Variants in MECOM observed in about 807,000 individuals in gnomAD.
The protein encoded by MECOM is histone-lysine N-methyltransferase MECOM.
In MECOM, 13 loss-of-function variants were observed where a neutral mutation model predicts 116.3. The observed-to-expected ratio is 0.11, with a 90% CI of 0.07 to 0.18. MECOM has a LOEUF of 0.18. MECOM is among the 10% of genes least tolerant of loss of function. MECOM has a pLI of 1.00. For missense variants in MECOM, 1,299 were observed against 1,509.0 expected, an observed-to-expected ratio of 0.86 and a Z score of 2.31; for synonymous variants, 528 against 535.2, an observed-to-expected ratio of 0.99 and a Z score of 0.19.
At chr3:169,380,082 T>C (rs1273921183) in intron 2 of MECOM, among the ~76,000 whole-genome samples, 1 of 152,116 alleles carries the variant, frequency 6.6e-6, no homozygotes, top group Non-Finnish European at 1.5e-5. Context: ...CACAAGAGGA[T>C]ACATATAAAG....
chr3:169,541,629 T>A (rs1760068237), intron 1 of MECOM, among the ~76,000 whole-genome samples: 1 of 152,228 alleles, frequency 6.6e-6, no homozygotes, highest in Admixed American at 6.5e-5. Flanking sequence ...GCTCAGTGCC[T>A]CTTTCACCTT....
chr3:169,526,827 CT>C (rs1041244230), intron 1 of MECOM, among the ~76,000 whole-genome samples: 3 of 152,040 alleles, frequency 2.0e-5, no homozygotes, highest in African/African-American at 7.3e-5. Flanking sequence ...TTTGGAAGCC[CT>C]ATTCATTACA....
intron 2 of MECOM, among the ~76,000 whole-genome samples, chr3:169,340,100 C>T (rs1724239647): frequency 6.6e-6 from 1 of 152,178 alleles, no homozygotes; most frequent in Non-Finnish European, 1.5e-5. Context: ...CATACATGCA[C>T]ATTTTTCACA....
intron 1 of MECOM, among the ~76,000 whole-genome samples, chr3:169,558,988 C>A (rs960590822): frequency 9.9e-5 from 15 of 151,720 alleles, no homozygotes; most frequent in African/African-American, 3.6e-4. Context: ...TACTGATATT[C>A]TACAATCCTC....
At chr3:169,105,330 G>C (rs974018865) in intron 10 of MECOM, among the ~76,000 whole-genome samples, 1 of 152,020 alleles carries the variant, frequency 6.6e-6, no homozygotes, top group African/African-American at 2.4e-5. Context: ...TAAGATATTG[G>C]ATTAACACGA....
chr3:169,429,275 G>GTATA (rs1331335433), intron 1 of MECOM, among the ~76,000 whole-genome samples: 2 of 152,308 alleles, frequency 1.3e-5, no homozygotes, highest in East Asian at 3.9e-4. Context: ...AAACCACTGT[G>GTATA]TATAGGTGTT....
chr3:169,227,694 G>C (rs1229869284), intron 2 of MECOM, among the ~76,000 whole-genome samples: 3 of 152,166 alleles, frequency 2.0e-5, no homozygotes, highest in Non-Finnish European at 4.4e-5. Flanking sequence ...TGGGTGAAAA[G>C]TCATTGATAT....
At chr3:169,345,948 A>T (rs549701227) in intron 2 of MECOM, among the ~76,000 whole-genome samples, 1 of 152,262 alleles carries the variant, frequency 6.6e-6, no homozygotes, top group African/African-American at 2.4e-5. Context: ...TTTTTCTCTG[A>T]TAAACAATAA....
chr3:169,125,001 A>T (rs1732351568), intron 5 of MECOM, among the ~76,000 whole-genome samples: 1 of 152,076 alleles, frequency 6.6e-6, no homozygotes, highest in Non-Finnish European at 1.5e-5. Context: ...TATCTTGATA[A>T]ATTAGAAATG....
chr3:169,516,999 T>A (rs1169854387), intron 1 of MECOM, among the ~76,000 whole-genome samples: 1 of 152,238 alleles, frequency 6.6e-6, no homozygotes, highest in African/African-American at 2.4e-5. Context: ...GGAACTTTCC[T>A]TTCAGGTCAC....
intron 2 of MECOM, among the ~76,000 whole-genome samples, chr3:169,291,952 G>A (rs1035542607): frequency 2.0e-5 from 3 of 152,172 alleles, no homozygotes; most frequent in Non-Finnish European, 2.9e-5. Context: ...TGTTTCAACA[G>A]ATTCACATTT....
chr3:169,306,571 A>G (rs1017310447), intron 2 of MECOM, among the ~76,000 whole-genome samples: 3 of 152,150 alleles, frequency 2.0e-5, no homozygotes, highest in African/African-American at 7.2e-5. Flanking sequence ...AATCCCAGCT[A>G]CTCAAAGGCT....
intron 1 of MECOM, among the ~76,000 whole-genome samples, chr3:169,420,635 C>T (rs1739561382): frequency 6.6e-6 from 1 of 152,080 alleles, no homozygotes; most frequent in African/African-American, 2.4e-5. Context: ...GAGAAGAGAG[C>T]CCCACTCCTC....
At chr3:169,253,686 T>A (rs567231714) in intron 2 of MECOM, among the ~76,000 whole-genome samples, 2 of 152,070 alleles carry the variant, frequency 1.3e-5, no homozygotes, top group Admixed American at 6.6e-5. Flanking sequence ...AGAACACTTT[T>A]TTCCCCAGAA....
chr3:169,191,730 AAGAAAGAAAG>A (rs373874731), intron 2 of MECOM, among the ~76,000 whole-genome samples: 20,000 of 64,762 alleles, frequency 0.31, 2,134 homozygotes, highest in Non-Finnish European at 0.36. Context: ...AAAAGAAAGA[AAGAAAGAAAG>A]AGAAAGAAAG....
At chr3:169,382,358 T>A (rs1044444032) in intron 1 of MECOM, among the ~76,000 whole-genome samples, 1 of 151,986 alleles carries the variant, frequency 6.6e-6, no homozygotes. Context: ...TGGCAAGACC[T>A]TTGAACAGAC....
chr3:169,474,250 A>G (rs1483140375), intron 1 of MECOM, among the ~76,000 whole-genome samples: 1 of 152,096 alleles, frequency 6.6e-6, no homozygotes, highest in Non-Finnish European at 1.5e-5. Flanking sequence ...ACAACAACAA[A>G]CTTCATTACT....
chr3:169,113,155 G>A (rs2149051848), intron 8 of MECOM, among the ~76,000 whole-genome samples: 1 of 152,066 alleles, frequency 6.6e-6, no homozygotes, highest in South Asian at 2.1e-4. Context: ...TAAATTAGAG[G>A]CATTTGTCAT....
intron 12 of MECOM, among the ~76,000 whole-genome samples, chr3:169,097,239 T>C (rs185970208): frequency 1.0e-3 from 153 of 152,206 alleles, no homozygotes; most frequent in East Asian, 7.1e-3. Flanking sequence ...CAAAGGGTCT[T>C]TTCCAAATCT....
Sources: allele counts gnomAD v4.1 joint callset (sites outside exome capture counted in the v4.1 genomes callset), GRCh38; gene constraint gnomAD v4.1.1; transcripts MANE v1.5; gene names NCBI Gene and HGNC (gene_info 2026-07-23, HGNC 2026-07-21).